Variants in NPAS3 observed in about 807,000 individuals in gnomAD.
NPAS3 encodes neuronal PAS domain-containing protein 3.
NPAS3 carries 14 observed loss-of-function variants against 73.1 expected under a neutral mutation model. The ratio of observed to expected loss-of-function variants is 0.19; its 90% CI spans 0.13 to 0.30. The LOEUF is 0.30. Ranked by LOEUF, NPAS3 falls within the 10% of genes least tolerant of loss-of-function variation. NPAS3 has a pLI of 1.00. For missense variants in NPAS3, 1,096 were observed against 1,250.0 expected (o/e 0.88, Z 1.86); for synonymous variants, 620 against 541.5 (o/e 1.14, Z -2.01).
chr14:33,131,915 A>G (rs1171986003), intron 2 of NPAS3, among the ~76,000 whole-genome samples: 2 of 152,292 alleles, frequency 1.3e-5, no homozygotes, highest in East Asian at 3.9e-4. Context: ...GGGACAAGTC[A>G]TGTGGAGAGC....
intron 5 of NPAS3, among the ~76,000 whole-genome samples, chr14:33,569,618 C>CAAA (rs200785257): frequency 6.9e-6 from 1 of 144,332 alleles, no homozygotes; most frequent in Admixed American, 6.8e-5. Context: ...GCCATGGAAA[C>CAAA]AAAAAAAAAA....
At chr14:33,527,366 G>A (rs2053849004) in intron 4 of NPAS3, among the ~76,000 whole-genome samples, 1 of 152,120 alleles carries the variant, frequency 6.6e-6, no homozygotes, top group South Asian at 2.1e-4. Context: ...AGAAATTGTT[G>A]CCCAGAACAA....
At chr14:33,360,830 T>C (rs963622193) in intron 3 of NPAS3, among the ~76,000 whole-genome samples, 17 of 152,168 alleles carry the variant, frequency 1.1e-4, no homozygotes, top group African/African-American at 4.1e-4. Context: ...ATTTCCCTCA[T>C]GTACCCTACT....
chr14:33,717,518 TAATA>T (rs2140524680), intron 6 of NPAS3, among the ~76,000 whole-genome samples: 1 of 152,218 alleles, frequency 6.6e-6, no homozygotes, highest in African/African-American at 2.4e-5. Context: ...TATTATAGAA[TAATA>T]AATACTCATT....
intron 3 of NPAS3, among the ~76,000 whole-genome samples, chr14:33,284,379 A>G (rs2041772057): frequency 6.6e-6 from 1 of 152,046 alleles, no homozygotes; most frequent in Admixed American, 6.6e-5. Flanking sequence ...AAACTCCAGA[A>G]TTTCAAAAAA....
At chr14:33,077,075 A>G (rs12883137) in intron 2 of NPAS3, among the ~76,000 whole-genome samples, 67,371 of 152,092 alleles carry the variant, frequency 0.44, 17,219 homozygotes, top group Middle Eastern at 0.62. Context: ...GGGCAAAGGT[A>G]TGGGCCCTTG....
intron 2 of NPAS3, among the ~76,000 whole-genome samples, chr14:33,111,692 AG>A (rs2042899366): frequency 6.7e-6 from 1 of 149,126 alleles, no homozygotes; most frequent in Non-Finnish European, 1.5e-5. Context: ...TTCAAGTTTT[AG>A]GGTACATGTG....
intron 5 of NPAS3, among the ~76,000 whole-genome samples, chr14:33,644,788 A>T (rs1470325377): frequency 6.6e-6 from 1 of 152,188 alleles, no homozygotes; most frequent in African/African-American, 2.4e-5. Flanking sequence ...ATGCTAATCA[A>T]GAATAAAGAT....
chr14:33,084,955 G>T (rs1384020581), intron 2 of NPAS3, among the ~76,000 whole-genome samples: 1 of 152,100 alleles, frequency 6.6e-6, no homozygotes, highest in Non-Finnish European at 1.5e-5. Context: ...AAAGTATATG[G>T]CACTGACCAG....
chr14:33,322,514 GTGTA>G (rs1411929438), intron 3 of NPAS3, among the ~76,000 whole-genome samples: 1 of 144,806 alleles, frequency 6.9e-6, no homozygotes, highest in African/African-American at 2.9e-5. Context: ...ATTTGTGTGT[GTGTA>G]TGTGTGTGTG....
At chr14:33,215,623 A>G (rs1289623003) in intron 3 of NPAS3, 197 bp downstream of exon 3, 1 of 733,376 alleles carries the variant, frequency 1.4e-6, no homozygotes, top group South Asian at 1.5e-5. Flanking sequence ...TTTTATTTTC[A>G]AAAAGTCTAT....
chr14:33,650,041 C>T lies in NPAS3; in HGVS notation c.559-26170C>T, dbSNP rs1464874458. The stretch of plus-strand genomic sequence containing the variant: ...AGAATACAGATTCCCTGGCCCCGTC[C>T]CAGGACAGTCTGATTTAGTGCCTTA... On this transcript the variant is annotated intron_variant, in intron 5 of 11. Coordinates refer to ENST00000356141, the Ensembl canonical transcript of NPAS3. Among the ~76,000 whole-genome samples, 4 of 152,308 alleles carry T rather than the reference C, an allele frequency of 2.6e-5. No homozygotes were observed. The East Asian group carries it at 7.7e-4, about 29-fold the overall frequency.
At chr14:33,069,426 G>A (rs551876051) in intron 2 of NPAS3, among the ~76,000 whole-genome samples, 16 of 152,268 alleles carry the variant, frequency 1.1e-4, no homozygotes, top group East Asian at 1.9e-4. Context: ...AAAGGTACTC[G>A]TTAAAGGCCA....
At chr14:33,174,354 C>T (rs1282399205) in intron 2 of NPAS3, among the ~76,000 whole-genome samples, 1 of 152,170 alleles carries the variant, frequency 6.6e-6, no homozygotes, top group Middle Eastern at 3.2e-3. Flanking sequence ...AGCCTTGGTA[C>T]GGTTATCACT....
At chr14:33,651,720 G>GA (rs1256430324) in intron 5 of NPAS3, among the ~76,000 whole-genome samples, 5 of 151,870 alleles carry the variant, frequency 3.3e-5, no homozygotes, top group African/African-American at 1.2e-4. Context: ...TTATGAAGAG[G>GA]AAAAAAACTG....
At chr14:33,486,003 G>A (rs915980384) in intron 4 of NPAS3, among the ~76,000 whole-genome samples, 2 of 152,056 alleles carry the variant, frequency 1.3e-5, no homozygotes, top group African/African-American at 4.8e-5. Context: ...CAGGGGGAGT[G>A]GGGGCAGGTT....
At chr14:33,347,399 G>GAC (rs532120415) in intron 3 of NPAS3, among the ~76,000 whole-genome samples, 11 of 152,222 alleles carry the variant, frequency 7.2e-5, no homozygotes, top group Middle Eastern at 3.4e-3. Context: ...TTAAAATGTG[G>GAC]ACACACACAC....
intron 4 of NPAS3, among the ~76,000 whole-genome samples, chr14:33,488,454 A>G (rs2051719498): frequency 6.6e-6 from 1 of 152,188 alleles, no homozygotes; most frequent in African/African-American, 2.4e-5. Flanking sequence ...CTATCAGAGT[A>G]GTCTGAGAGC....
chr14:33,533,803 G>A (rs10147920), intron 4 of NPAS3, among the ~76,000 whole-genome samples: 60,148 of 151,308 alleles, frequency 0.4, 12,833 homozygotes, highest in African/African-American at 0.58. Context: ...ATTTTTTTAA[G>A]GTTACAGAAT....
Sources: gnomAD v4.1 joint callset for allele counts (sites outside exome capture counted in the v4.1 genomes callset) on GRCh38, gnomAD v4.1.1 for gene constraint, MANE v1.5 for transcripts, NCBI Gene and HGNC (gene_info 2026-07-23, HGNC 2026-07-21) for gene names.